The following DENND2C variants were observed in gnomAD, a reference collection of about 807,000 sequenced individuals.
DENND2C encodes the protein DENN domain containing 2C, also known as DENN domain-containing protein 2C.
DENND2C carries 72 observed loss-of-function variants against 112.4 expected under a neutral mutation model. The observed-to-expected ratio is 0.64, with a 90% CI of 0.53 to 0.78. The LOEUF is 0.78. Among genes scored for constraint, DENND2C ranks in the 30% least tolerant of loss-of-function variants. DENND2C has a pLI of 0.00. For missense variants in DENND2C, 992 were observed against 1,113.8 expected, an observed-to-expected ratio of 0.89 and a Z score of 1.56; for synonymous variants, 329 against 381.6, an observed-to-expected ratio of 0.86 and a Z score of 1.61.
chr1:114,627,837 T>C (rs1032644088), intron 3 of DENND2C, among the ~76,000 whole-genome samples: 9 of 152,176 alleles, frequency 5.9e-5, no homozygotes, highest in African/African-American at 1.7e-4. Context: ...TTCTTCACTA[T>C]AGACAAGACA....
At chr1:114,586,212 C>T (rs1251127710) in intron 20 of DENND2C, among the ~76,000 whole-genome samples, 1 of 152,144 alleles carries the variant, frequency 6.6e-6, no homozygotes, top group African/African-American at 2.4e-5. Flanking sequence ...AAATGTGTTT[C>T]TGTATGAAGT....
At position 114,584,767 on chromosome 1, in the gene DENND2C, C is replaced by T. The variant is rs1654996068; in HGVS notation, c.*833G>A. 1 of 152,028 alleles carries T rather than the reference C, an allele frequency of 6.6e-6. No homozygotes were observed. Among genetic ancestry groups the T allele is most frequent in the Non-Finnish European group, 1.5e-5 (1 of 67,998 alleles). The allele number at this position is 152,028 out of a possible 1,614,324, so 9.4% of individuals were successfully genotyped here. On this transcript the variant is annotated 3_prime_UTR_variant, in exon 21 of 21. Coordinates refer to ENST00000393274, the MANE Select transcript of DENND2C (RefSeq NM_001256404.2). The stretch of plus-strand genomic sequence containing the variant: ...ATTTCACAAAGTTTAAATTTATTTA[C>T]TTATTTTTAAAATGTTTTTGTAGAG...
intron 1 of DENND2C, among the ~76,000 whole-genome samples, chr1:114,669,136 G>A (rs1657721230): frequency 6.6e-6 from 1 of 152,196 alleles, no homozygotes; most frequent in Non-Finnish European, 1.5e-5. Context: ...AGAATCACTA[G>A]CTTTAGGGTA....
chr1:114,637,506 C>A (rs1213731237), intron 3 of DENND2C, among the ~76,000 whole-genome samples: 1 of 151,696 alleles, frequency 6.6e-6, no homozygotes, highest in Non-Finnish European at 1.5e-5. Context: ...CATTAATGTA[C>A]TGGAATATTC....
chr1:114,596,057 G>A (rs1344049289), intron 16 of DENND2C, among the ~76,000 whole-genome samples, 184 bp from the exon 17 acceptor site: 1 of 152,138 alleles, frequency 6.6e-6, no homozygotes. Context: ...GATTAAAAGA[G>A]ACTAAAAATA....
intron 3 of DENND2C, among the ~76,000 whole-genome samples, chr1:114,628,410 G>A (rs1243775058): frequency 1.3e-5 from 2 of 151,852 alleles, no homozygotes; most frequent in Non-Finnish European, 2.9e-5. Context: ...GATGTGTACT[G>A]ATGGTGTTTC....
intron 12 of DENND2C, 60 bp from the exon 13 acceptor site, chr1:114,601,645 A>C (rs920008207): frequency 1.4e-6 from 2 of 1,421,662 alleles, no homozygotes. Flanking sequence ...TATTAATACT[A>C]ATTTGGACTA....
At chr1:114,655,789 C>T (rs1480085327) in intron 1 of DENND2C, among the ~76,000 whole-genome samples, 1 of 150,614 alleles carries the variant, frequency 6.6e-6, no homozygotes, top group Non-Finnish European at 1.5e-5. Context: ...CAGCCCAAAG[C>T]CTGTAAATGT....
intron 2 of DENND2C, among the ~76,000 whole-genome samples, chr1:114,654,289 G>A (rs957761465): frequency 1.2e-4 from 19 of 152,030 alleles, no homozygotes; most frequent in South Asian, 4.1e-4. Context: ...ATAATTAGCC[G>A]GGCGTGGTGG....
rs1655018457 is a variant in DENND2C at position 114,585,588 on chromosome 1, CA to C, written c.*11del. 1 of 1,613,608 alleles carries C rather than the reference CA, an allele frequency of 6.2e-7. No individual in the cohort carries two copies. The highest frequency in any genetic ancestry group is 8.5e-7 in the Non-Finnish European group (1 of 1,179,638). ...TTCTGTTGTATATTCAGGATGGAGA[CA>C]ATCAGAGATTTCATTTCTTTTGCAG... On this transcript the variant is annotated 3_prime_UTR_variant, in exon 21 of 21. Transcript: ENST00000393274.
At chr1:114,664,762 G>A (rs1657600130) in intron 1 of DENND2C, among the ~76,000 whole-genome samples, 1 of 151,016 alleles carries the variant, frequency 6.6e-6, no homozygotes, top group Non-Finnish European at 1.5e-5. Context: ...ACAGGTGTGA[G>A]CCACTGTGCC....
intron 3 of DENND2C, among the ~76,000 whole-genome samples, chr1:114,640,086 T>C (rs545423019): frequency 1.3e-5 from 2 of 152,340 alleles, no homozygotes; most frequent in South Asian, 4.1e-4. Flanking sequence ...CTGGGCTAAA[T>C]GGTTTGTTTT....
chr1:114,599,359 A>G lies in DENND2C; in HGVS notation c.2198T>C (p.Ile733Thr), dbSNP rs201065413. ...TYIPVLPASM[I>T]DIVCSPTPFL... ...TGGTGTAGGTGAGCACACGATGTCA[A>G]TCATAGATGCTGGCAGGACTGGGAT... The change falls in exon 16 of 21, where the codon ATT (isoleucine) becomes ACT (threonine). Residue 733 changes from isoleucine (I) to threonine (T), a missense_variant. Physicochemically the swap from Ile to Thr is moderately conservative, Grantham distance 89 (BLOSUM62 -1). This residue lies in a region of DENND2C where 516 missense variants were observed against 623.6 expected (regional missense o/e 0.83). Coordinates refer to ENST00000393274, the MANE Select transcript of DENND2C (RefSeq NM_001256404.2). 58 of 1,614,026 alleles carry G rather than the reference A, an allele frequency of 3.6e-5. 1 individual carries two copies. The highest frequency in any genetic ancestry group is 4.3e-5 in the Non-Finnish European group (51 of 1,180,020).
Position 114,582,995 on chromosome 1 carries a change from G to A in DENND2C, c.*2605C>T, listed in dbSNP as rs1253773248. 2.0e-5 allele frequency: 3 copies of A among 152,214 alleles called. No individual in the cohort carries two copies. The highest frequency in any genetic ancestry group is 2.1e-4 in the South Asian group (1 of 4,828). The allele number at this position is 152,214 out of a possible 1,614,324, so 9.4% of individuals were successfully genotyped here. A position where few individuals can be genotyped will look rare whatever the true frequency, so the allele number is the denominator to read the frequency against. ...AGGAAATGAAGCAGCTTCAGGCTGC[G>A]AGGATGAAGACACCATTGCTGAAGC... is the stretch of plus-strand genomic sequence containing the variant. On this transcript the variant is annotated 3_prime_UTR_variant, in exon 21 of 21. Transcript: ENST00000393274.
At chr1:114,658,147 G>A (rs1210170186) in intron 1 of DENND2C, among the ~76,000 whole-genome samples, 1 of 152,172 alleles carries the variant, frequency 6.6e-6, no homozygotes, top group Non-Finnish European at 1.5e-5. Flanking sequence ...AAAAGCCAAA[G>A]GTTTAAGGAG....
At chr1:114,607,543 T>C (rs1655693358) in intron 10 of DENND2C, among the ~76,000 whole-genome samples, 1 of 152,196 alleles carries the variant, frequency 6.6e-6, no homozygotes, top group African/African-American at 2.4e-5. Context: ...ACAAACACTA[T>C]GCAAAGCAAA....
At chr1:114,608,979 T>G in intron 9 of DENND2C, 106 bp from the exon 10 acceptor site, 1 of 1,219,424 alleles carries the variant, frequency 8.2e-7, no homozygotes, top group East Asian at 2.4e-5. Flanking sequence ...CAGTCACTGC[T>G]GAATGAATGT....
Position 114,615,579 on chromosome 1 carries a change from C to CA in DENND2C, c.1324+2806dup, listed in dbSNP as rs1336516468. Among the ~76,000 whole-genome samples, 4 of 152,140 alleles carry CA rather than the reference C, an allele frequency of 2.6e-5. No individual in the cohort carries two copies. In the South Asian group the frequency reaches 8.3e-4, roughly 32 times the overall value. On this transcript the variant is annotated intron_variant, in intron 8 of 20. Coordinates refer to ENST00000393274, the MANE Select transcript of DENND2C (RefSeq NM_001256404.2). ...GGTAGCTACTATTAATAACAATGAC[C>CA]AAAAGTATTTCTTCCCCAGAGAAGA...
At chr1:114,618,810 T>G (rs1339209709) in intron 7 of DENND2C, among the ~76,000 whole-genome samples, 1 of 152,214 alleles carries the variant, frequency 6.6e-6, no homozygotes, top group Non-Finnish European at 1.5e-5. Context: ...CCTTTACTAT[T>G]AAACTCAAGT....
Sources: gnomAD v4.1 joint callset for allele counts (sites outside exome capture counted in the v4.1 genomes callset) on GRCh38, gnomAD v4.1.1 for gene constraint, gnomAD v4.1.1 regional missense constraint, MANE v1.5 for transcripts, NCBI Gene and HGNC (gene_info 2026-07-23, HGNC 2026-07-21) for gene names.